The following COL19A1 variants were observed in gnomAD, a reference collection of about 807,000 sequenced individuals.
The protein encoded by COL19A1 is collagen type XIX alpha 1 chain.
Under a neutral mutation model 190.2 loss-of-function variants are expected in COL19A1, and 159 were observed. That is an observed-to-expected ratio of 0.84 (90% confidence interval 0.73 to 0.95). COL19A1 has a LOEUF of 0.95. Among genes scored for constraint, COL19A1 ranks in the 40% least tolerant of loss-of-function variants. The pLI, the probability that COL19A1 is intolerant of heterozygous loss-of-function variation, is 0.00. For synonymous variants in COL19A1, 509 were observed against 458.9 expected (o/e 1.11, Z -1.39); for missense variants, 1,418 against 1,431.9 (o/e 0.99, Z 0.16).
chr6:69,937,516 A>G (rs1273658748), intron 8 of COL19A1, among the ~76,000 whole-genome samples: 2 of 152,108 alleles, frequency 1.3e-5, no homozygotes, highest in East Asian at 3.9e-4. Context: ...AGCCTGTGCT[A>G]AAAGGCTGAG....
At chr6:70,026,253 T>TA (rs1313716495) in intron 12 of COL19A1, among the ~76,000 whole-genome samples, 1 of 152,230 alleles carries the variant, frequency 6.6e-6, no homozygotes. Context: ...AATCAACTGA[T>TA]ACATGCATAT....
intron 2 of COL19A1, among the ~76,000 whole-genome samples, chr6:69,895,950 C>A (rs1426811922): frequency 6.7e-6 from 1 of 149,340 alleles, no homozygotes; most frequent in Non-Finnish European, 1.5e-5. Context: ...TCTAAAAGGG[C>A]CATCTACACT....
intron 2 of COL19A1, among the ~76,000 whole-genome samples, chr6:69,895,675 G>T (rs1006446180): frequency 6.6e-6 from 1 of 152,280 alleles, no homozygotes; most frequent in East Asian, 1.9e-4. Context: ...CTCAGTGGGC[G>T]GGCTGGTTGG....
intron 15 of COL19A1, among the ~76,000 whole-genome samples, chr6:70,096,181 G>C (rs1475867121): frequency 6.6e-6 from 1 of 151,388 alleles, no homozygotes; most frequent in Non-Finnish European, 1.5e-5. Flanking sequence ...TCCTGGGCTG[G>C]AGTGATCCTC....
chr6:69,898,922 T>C, intron 2 of COL19A1, 26 bp from the exon 3 acceptor site: 1 of 1,435,822 alleles, frequency 7.0e-7, no homozygotes, highest in Non-Finnish European at 9.8e-7. Flanking sequence ...ATGCAAATCC[T>C]CTATGCTTTT....
intron 9 of COL19A1, among the ~76,000 whole-genome samples, chr6:69,943,557 T>G (rs1395423591): frequency 2.0e-5 from 3 of 152,192 alleles, no homozygotes; most frequent in Non-Finnish European, 4.4e-5. Context: ...ATTTAAGTTT[T>G]CAATCCATTT....
Position 70,142,014 on chromosome 6 carries a change from C to T in COL19A1, c.1519-9C>T, listed in dbSNP as rs944968151. On this transcript the variant is annotated splice_polypyrimidine_tract_variant and intron_variant, in intron 21 of 50. Coordinates refer to ENST00000620364, the MANE Select transcript of COL19A1 (RefSeq NM_001858.6). ...AAACATTGATCTTTCCTTCCCCCCA[C>T]GTGTTTAGGGTGAACCTGGAGATCC... 35 of 1,612,234 alleles carry T rather than the reference C, an allele frequency of 2.2e-5. No homozygotes were observed. The highest frequency in any genetic ancestry group is 4.4e-5 in the South Asian group (4 of 91,044).
chr6:69,900,389 T>A, intron 4 of COL19A1, 51 bp downstream of exon 4: 1 of 985,942 alleles, frequency 1.0e-6, no homozygotes, highest in Non-Finnish European at 1.5e-6. Flanking sequence ...ATAAATTATT[T>A]TCTAAAGAGA....
chr6:69,904,701 T>G (rs1204525109), intron 4 of COL19A1, among the ~76,000 whole-genome samples: 1 of 152,224 alleles, frequency 6.6e-6, no homozygotes, highest in African/African-American at 2.4e-5. Context: ...CAAATGGGAC[T>G]GTCCAGCCTG....
intron 31 of COL19A1, among the ~76,000 whole-genome samples, chr6:70,151,670 G>A (rs570065329): frequency 6.6e-6 from 1 of 152,228 alleles, no homozygotes; most frequent in African/African-American, 2.4e-5. Context: ...GTGGGGCAGG[G>A]GTGGAGGGCA....
chr6:70,047,195 T>C (rs963893616), intron 14 of COL19A1, among the ~76,000 whole-genome samples: 32 of 152,114 alleles, frequency 2.1e-4, no homozygotes, highest in Non-Finnish European at 1.5e-5. Flanking sequence ...AGAATCAGCA[T>C]TTTTTAAGAT....
intron 35 of COL19A1, among the ~76,000 whole-genome samples, chr6:70,162,525 C>T (rs1461905210): frequency 6.6e-6 from 1 of 152,020 alleles, no homozygotes; most frequent in Non-Finnish European, 1.5e-5. Flanking sequence ...CAGTTTAATT[C>T]TAGAGTCATC....
intron 9 of COL19A1, among the ~76,000 whole-genome samples, chr6:69,945,511 A>T (rs1260928324): frequency 1.3e-5 from 2 of 152,134 alleles, no homozygotes; most frequent in Non-Finnish European, 2.9e-5. Context: ...TACGTTCATA[A>T]TTTTTAAAAA....
At chr6:70,187,951 G>A in intron 46 of COL19A1, 124 bp from the exon 47 acceptor site, 1 of 1,105,956 alleles carries the variant, frequency 9.0e-7, no homozygotes, top group Non-Finnish European at 1.3e-6. Flanking sequence ...AGGACACAGA[G>A]AGTTTAAGTT....
intron 42 of COL19A1, among the ~76,000 whole-genome samples, chr6:70,179,644 T>C (rs1271092143): frequency 1.3e-5 from 2 of 152,218 alleles, no homozygotes; most frequent in Non-Finnish European, 2.9e-5. Context: ...ATTTGATGCT[T>C]TGTGCCCATT....
intron 14 of COL19A1, among the ~76,000 whole-genome samples, chr6:70,060,401 A>G (rs762352671): frequency 6.6e-5 from 10 of 152,104 alleles, no homozygotes; most frequent in Non-Finnish European, 1.2e-4. Flanking sequence ...CCCCGGGAAA[A>G]GGACCAGTAC....
intron 12 of COL19A1, among the ~76,000 whole-genome samples, chr6:70,033,726 C>G (rs1167786639): frequency 6.6e-6 from 1 of 152,132 alleles, no homozygotes; most frequent in Non-Finnish European, 1.5e-5. Context: ...CTAAAATATA[C>G]TTTAAAACAG....
intron 36 of COL19A1, among the ~76,000 whole-genome samples, chr6:70,165,541 AG>A (rs1765095126): frequency 6.6e-6 from 1 of 152,190 alleles, no homozygotes; most frequent in Admixed American, 6.5e-5. Context: ...TGAAGGTGGT[AG>A]AAATGAGGCT....
At chr6:70,163,441 G>C in intron 36 of COL19A1, 45 bp downstream of exon 36, 2 of 1,564,828 alleles carry the variant, frequency 1.3e-6, no homozygotes, top group Non-Finnish European at 8.8e-7. Flanking sequence ...GGGGCTTGGA[G>C]TGGGAGCAGG....
Sources: allele counts gnomAD v4.1 joint callset (sites outside exome capture counted in the v4.1 genomes callset), GRCh38; gene constraint gnomAD v4.1.1; transcripts MANE v1.5; gene names NCBI Gene and HGNC (gene_info 2026-07-23, HGNC 2026-07-21).